The following CNTNAP2 variants were observed in gnomAD, a reference collection of about 807,000 sequenced individuals.
CNTNAP2 encodes the protein contactin associated protein 2.
CNTNAP2 carries 98 observed loss-of-function variants against 155.2 expected under a neutral mutation model. That is an observed-to-expected ratio of 0.63 (90% CI 0.54 to 0.75). CNTNAP2 has a LOEUF of 0.75. CNTNAP2 is among the 30% of genes least tolerant of loss of function. The pLI is 0.00. For missense variants in CNTNAP2, 1,727 were observed against 1,688.1 expected (o/e 1.02, Z -0.40); for synonymous variants, 651 against 631.2 (o/e 1.03, Z -0.47).
At chr7:146,125,316 C>T (rs1797618188) in intron 1 of CNTNAP2, among the ~76,000 whole-genome samples, 1 of 152,108 alleles carries the variant, frequency 6.6e-6, no homozygotes, top group South Asian at 2.1e-4. Context: ...GTGGCTCACG[C>T]CTGTAATCCC....
At chr7:147,491,312 T>C (rs1322774549) in intron 11 of CNTNAP2, among the ~76,000 whole-genome samples, 3 of 152,014 alleles carry the variant, frequency 2.0e-5, no homozygotes. Context: ...GCCCCTCCTA[T>C]ACCACGACCC....
intron 3 of CNTNAP2, among the ~76,000 whole-genome samples, chr7:146,981,903 G>A (rs11978798): frequency 0.011 from 1,666 of 152,224 alleles, 30 homozygotes; most frequent in African/African-American, 0.039. Context: ...TTTGCAGAAC[G>A]CATATAATCT....
At chr7:147,792,552 C>T (rs1584957563) in intron 13 of CNTNAP2, among the ~76,000 whole-genome samples, 2 of 151,754 alleles carry the variant, frequency 1.3e-5, no homozygotes, top group Admixed American at 1.3e-4. Flanking sequence ...CCTTTTATTG[C>T]TGAATAATAT....
intron 3 of CNTNAP2, among the ~76,000 whole-genome samples, chr7:146,854,725 A>G (rs560652880): frequency 6.6e-6 from 1 of 152,280 alleles, no homozygotes; most frequent in African/African-American, 2.4e-5. Context: ...TTCTAAAGAA[A>G]TATGTTTGGA....
intron 22 of CNTNAP2, chr7:148,389,702 A>G (rs1335824579): frequency 1.3e-5 from 2 of 151,814 alleles, no homozygotes; most frequent in Non-Finnish European, 2.9e-5. Context: ...TTCTCTGAAC[A>G]TGTGGAGCAC....
chr7:148,296,401 T>C (rs1252324437), intron 21 of CNTNAP2, among the ~76,000 whole-genome samples: 9 of 151,148 alleles, frequency 6.0e-5, no homozygotes, highest in Admixed American at 5.9e-4. Context: ...CAAAAAATTA[T>C]CCAGGCATAG....
chr7:146,347,079 A>G (rs1322161294), intron 1 of CNTNAP2, among the ~76,000 whole-genome samples: 2 of 137,852 alleles, frequency 1.5e-5, no homozygotes, highest in African/African-American at 2.7e-5. Context: ...CGTAGTTTGG[A>G]GTGCTTTGGC....
chr7:146,389,662 T>C (rs111267035), intron 1 of CNTNAP2, among the ~76,000 whole-genome samples: 7,771 of 151,262 alleles, frequency 0.051, 508 homozygotes, highest in African/African-American at 0.16. Context: ...TTGTCTTTTC[T>C]CTGAGCCATA....
intron 1 of CNTNAP2, among the ~76,000 whole-genome samples, chr7:146,316,420 C>G (rs1800905996): frequency 6.6e-6 from 1 of 152,080 alleles, no homozygotes; most frequent in Non-Finnish European, 1.5e-5. Flanking sequence ...AACCGACAGA[C>G]ATTTCACTGT....
At chr7:146,856,897 T>C (rs908314984) in intron 3 of CNTNAP2, among the ~76,000 whole-genome samples, 8 of 152,138 alleles carry the variant, frequency 5.3e-5, no homozygotes, top group African/African-American at 1.4e-4. Context: ...AAGGAGTTAT[T>C]CTAGGTAAAA....
At chr7:146,198,481 C>T (rs1798809780) in intron 1 of CNTNAP2, among the ~76,000 whole-genome samples, 1 of 152,122 alleles carries the variant, frequency 6.6e-6, no homozygotes, top group Admixed American at 6.6e-5. Flanking sequence ...GGATTTGTGC[C>T]TCCCATTTGT....
intron 1 of CNTNAP2, among the ~76,000 whole-genome samples, chr7:146,469,500 C>A (rs1796762858): frequency 6.7e-6 from 1 of 150,168 alleles, no homozygotes; most frequent in South Asian, 2.1e-4. Context: ...CAGAGGTAAC[C>A]ACTGTCTTAA....
chr7:147,607,982 C>T (rs182402086), intron 12 of CNTNAP2, among the ~76,000 whole-genome samples: 55 of 152,220 alleles, frequency 3.6e-4, no homozygotes, highest in Non-Finnish European at 6.9e-4. Context: ...TGAACGTTTA[C>T]ATTTTTAGGT....
At chr7:147,217,427 T>G (rs1803299516) in intron 8 of CNTNAP2, among the ~76,000 whole-genome samples, 1 of 152,032 alleles carries the variant, frequency 6.6e-6, no homozygotes, top group Admixed American at 6.5e-5. Context: ...TTTTTTAAAT[T>G]TAGTTTGTTG....
At chr7:146,156,680 A>G (rs1413330930) in intron 1 of CNTNAP2, among the ~76,000 whole-genome samples, 1 of 152,070 alleles carries the variant, frequency 6.6e-6, no homozygotes, top group African/African-American at 2.4e-5. Flanking sequence ...TCGGCTCACT[A>G]TAACCTCTGC....
At chr7:148,337,300 T>C (rs2116573698) in intron 21 of CNTNAP2, among the ~76,000 whole-genome samples, 1 of 151,924 alleles carries the variant, frequency 6.6e-6, no homozygotes, top group South Asian at 2.1e-4. Context: ...AGCAGCTCCC[T>C]CTTATCCTGA....
At chr7:147,620,028 G>A (rs909840146) in intron 12 of CNTNAP2, among the ~76,000 whole-genome samples, 16 of 152,218 alleles carry the variant, frequency 1.1e-4, no homozygotes, top group African/African-American at 3.9e-4. Flanking sequence ...GAGAACAAGA[G>A]TTTTCGTCCA....
chr7:147,467,352 T>A (rs10260458), intron 10 of CNTNAP2, among the ~76,000 whole-genome samples: 3 of 152,284 alleles, frequency 2.0e-5, no homozygotes, highest in African/African-American at 7.2e-5. Context: ...ATTGCTTTCA[T>A]GGTGATTTTA....
intron 2 of CNTNAP2, among the ~76,000 whole-genome samples, chr7:146,800,427 G>T (rs184181296): frequency 1.3e-5 from 2 of 152,352 alleles, no homozygotes; most frequent in Admixed American, 1.3e-4. Context: ...GTTTGGCACA[G>T]AAATTGCTTT....
Sources: gnomAD v4.1 joint callset for allele counts (sites outside exome capture counted in the v4.1 genomes callset) on GRCh38, gnomAD v4.1.1 for gene constraint, MANE v1.5 for transcripts, NCBI Gene and HGNC (gene_info 2026-07-23, HGNC 2026-07-21) for gene names.